ACSS3: variants seen among roughly 807,000 people sequenced by gnomAD.
ACSS3 encodes the protein acyl-CoA synthetase short-chain family member 3, mitochondrial.
A neutral mutation model predicts 84.2 loss-of-function variants in ACSS3; 64 were observed. That is an observed-to-expected ratio of 0.76 (90% CI 0.62 to 0.94). The LOEUF is 0.94. Among genes scored for constraint, ACSS3 ranks in the 40% least tolerant of loss-of-function variants. ACSS3 has a pLI of 0.00. For synonymous variants in ACSS3, 317 were observed against 310.1 expected, an observed-to-expected ratio of 1.02 and a Z score of -0.23; for missense variants, 815 against 867.6, an observed-to-expected ratio of 0.94 and a Z score of 0.76.
chr12:81,158,123 GA>G (rs1886973643), intron 7 of ACSS3, among the ~76,000 whole-genome samples: 1 of 152,064 alleles, frequency 6.6e-6, no homozygotes, highest in African/African-American at 2.4e-5. Flanking sequence ...TTTGTATCTT[GA>G]CTGTATCAAT....
intron 2 of ACSS3, among the ~76,000 whole-genome samples, chr12:81,132,722 A>G (rs901887721): frequency 6.6e-6 from 1 of 152,086 alleles, no homozygotes; most frequent in African/African-American, 2.4e-5. Context: ...GTAAAGTGAG[A>G]CTGGATTATA....
intron 11 of ACSS3, among the ~76,000 whole-genome samples, chr12:81,221,997 C>A (rs1271454660): frequency 6.6e-6 from 1 of 152,022 alleles, no homozygotes; most frequent in Non-Finnish European, 1.5e-5. Flanking sequence ...ACCCCACATC[C>A]ATTCAGAGAT....
chr12:81,223,575 T>C lies in ACSS3; in HGVS notation c.1514+3499T>C, dbSNP rs539123662. Among the ~76,000 whole-genome samples the C allele has an allele frequency of 1.7e-4, 26 of 152,176 alleles. No individual in the cohort carries two copies. In the South Asian group the frequency reaches 5.0e-3, roughly 29 times the overall value. ...TATGAGTTAGGCAATGGGCAGACAT[T>C]ATCCTCCTCATTGTAGACATAACAA... On this transcript the variant is annotated intron_variant, in intron 11 of 15. Coordinates refer to ENST00000548058, the MANE Select transcript of ACSS3 (RefSeq NM_024560.4).
intron 13 of ACSS3, among the ~76,000 whole-genome samples, chr12:81,250,069 T>C (rs2034102432): frequency 6.6e-6 from 1 of 152,084 alleles, no homozygotes; most frequent in African/African-American, 2.4e-5. Flanking sequence ...CTTTTTTAGG[T>C]ACTTAAATGC....
chr12:81,192,175 T>C lies in ACSS3; in HGVS notation c.1251-7166T>C, dbSNP rs181093548. ...GGCGGGTGGATCACGAGGTCAGGAGTTCGAGACCAGCCTGGCCAACATAGT... is the reference window on the plus strand; with the variant it reads ...GGCGGGTGGATCACGAGGTCAGGAGCTCGAGACCAGCCTGGCCAACATAGT... On this transcript the variant is annotated intron_variant, in intron 8 of 15. Transcript: ENST00000548058. Among the ~76,000 whole-genome samples, 58 of 151,016 alleles carry C rather than the reference T, an allele frequency of 3.8e-4. 1 individual carries two copies. The East Asian group carries it at 8.4e-3, about 22-fold the overall frequency.
At chr12:81,162,220 G>A (rs1368980421) in intron 7 of ACSS3, among the ~76,000 whole-genome samples, 12 of 152,174 alleles carry the variant, frequency 7.9e-5, no homozygotes, top group South Asian at 4.1e-4. Flanking sequence ...GCAACAGTAC[G>A]GTCTCTGAAG....
At chr12:81,155,385 A>G (rs1195375212) in intron 7 of ACSS3, among the ~76,000 whole-genome samples, 1 of 152,140 alleles carries the variant, frequency 6.6e-6, no homozygotes, top group African/African-American at 2.4e-5. Context: ...CCCTTTTTAT[A>G]TCTGCCTTTC....
intron 1 of ACSS3, among the ~76,000 whole-genome samples, chr12:81,081,121 A>T (rs531768239): frequency 1.3e-5 from 2 of 152,326 alleles, no homozygotes; most frequent in East Asian, 3.9e-4. Flanking sequence ...TCACAAAAGT[A>T]AACTCCCCTC....
At chr12:81,102,229 CCTT>C (rs755810976) in intron 1 of ACSS3, among the ~76,000 whole-genome samples, 1 of 152,052 alleles carries the variant, frequency 6.6e-6, no homozygotes, top group Non-Finnish European at 1.5e-5. Flanking sequence ...TTACTAAAAT[CCTT>C]CTTCCTATGA....
chr12:81,243,783 G>A (rs1192114879), intron 13 of ACSS3, among the ~76,000 whole-genome samples: 2 of 152,106 alleles, frequency 1.3e-5, no homozygotes, highest in African/African-American at 4.8e-5. Context: ...TATCACTGCT[G>A]TCATTCACTT....
intron 12 of ACSS3, among the ~76,000 whole-genome samples, chr12:81,231,708 G>C (rs1156422733): frequency 1.3e-5 from 2 of 151,708 alleles, no homozygotes; most frequent in African/African-American, 4.8e-5. Flanking sequence ...CCAGCGTCCT[G>C]GATAACAAAA....
intron 11 of ACSS3, among the ~76,000 whole-genome samples, chr12:81,228,546 G>A (rs1463543116): frequency 6.6e-6 from 1 of 151,748 alleles, no homozygotes; most frequent in Non-Finnish European, 1.5e-5. Context: ...ATTACAAATT[G>A]CTAGCACCTT....
rs377599766 is a variant in ACSS3, at chr12:81,078,422, C to T, written c.302C>T (p.Ser101Phe). The change falls in exon 1 of 16, where the codon TCT becomes TTT. Residue 101 changes from serine (S) to phenylalanine (F), a missense_variant. By Grantham distance (155) the Ser-to-Phe change is radical. Transcript: ENST00000548058. ...ACGCTGGAGAACAAACACTCGCCCT[C>T]TACCAGGTGGTGAGTGACTTCTGTG... is the stretch of plus-strand genomic sequence containing the variant. ...TKTLENKHSPSTRWFVEGMLN... is the reference protein window; with the variant it reads ...TKTLENKHSPFTRWFVEGMLN... The T allele has an allele frequency of 1.6e-5, 25 of 1,612,380 alleles. No homozygotes were observed. The highest frequency in any genetic ancestry group is 2.1e-5 in the Non-Finnish European group (25 of 1,180,024).
chr12:81,123,676 T>C (rs1170640758), intron 2 of ACSS3, among the ~76,000 whole-genome samples: 1 of 152,152 alleles, frequency 6.6e-6, no homozygotes, highest in Non-Finnish European at 1.5e-5. Flanking sequence ...TATTTCCATA[T>C]GTACACAATG....
At chr12:81,106,301 A>G (rs1360133163) in intron 1 of ACSS3, among the ~76,000 whole-genome samples, 4 of 152,170 alleles carry the variant, frequency 2.6e-5, no homozygotes, top group Non-Finnish European at 5.9e-5. Flanking sequence ...CATGTGAGGA[A>G]TCTAGGTTGC....
At chr12:81,160,551 A>C (rs1162636464) in intron 7 of ACSS3, among the ~76,000 whole-genome samples, 1 of 152,012 alleles carries the variant, frequency 6.6e-6, no homozygotes, top group Non-Finnish European at 1.5e-5. Context: ...AATTAATTAA[A>C]CCTCTTTGGT....
intron 11 of ACSS3, among the ~76,000 whole-genome samples, chr12:81,224,917 C>T (rs1450848077): frequency 6.6e-6 from 1 of 151,862 alleles, no homozygotes; most frequent in East Asian, 1.9e-4. Context: ...CTTTATTTTA[C>T]TTAACAATGG....
At chr12:81,199,534 A>T (rs1365231033) in intron 9 of ACSS3, 90 bp downstream of exon 9, 13 of 1,474,134 alleles carry the variant, frequency 8.8e-6, no homozygotes, top group Middle Eastern at 3.5e-4. Context: ...TACGACCAGC[A>T]GATCAGACAC....
chr12:81,217,618 G>A (rs533746167), intron 10 of ACSS3, among the ~76,000 whole-genome samples: 1 of 152,204 alleles, frequency 6.6e-6, no homozygotes, highest in South Asian at 2.1e-4. Context: ...CAAGGCAGAC[G>A]GATCACATGA....
Sources: allele counts gnomAD v4.1 joint callset (sites outside exome capture counted in the v4.1 genomes callset), GRCh38; gene constraint gnomAD v4.1.1; transcripts MANE v1.5; gene names NCBI Gene and HGNC (gene_info 2026-07-23, HGNC 2026-07-21).